Variants in SKIC3 observed in about 807,000 individuals in gnomAD.
The protein encoded by SKIC3 is SKI3 subunit of superkiller complex, also known as superkiller complex protein 3.
chr5:95,525,016 A>T, the SKIC3 span, among the ~76,000 whole-genome samples: 1 of 152,072 alleles, frequency 6.6e-6, no homozygotes, highest in African/African-American at 2.4e-5. Context: ...CCTGAGAAGC[A>T]GGGACTACAG....
the SKIC3 span, among the ~76,000 whole-genome samples, chr5:95,470,138 C>T: frequency 5.9e-5 from 9 of 152,060 alleles, no homozygotes; most frequent in East Asian, 3.9e-4. Context: ...CCACCACACC[C>T]GGCTAATTTT....
chr5:95,486,447 C>T, the SKIC3 span, among the ~76,000 whole-genome samples: 2 of 152,336 alleles, frequency 1.3e-5, no homozygotes, highest in Non-Finnish European at 2.9e-5. Context: ...ACACTGAAAG[C>T]AACCCCACCC....
the SKIC3 span, chr5:95,525,496 C>A: frequency 6.2e-7 from 1 of 1,613,886 alleles, no homozygotes; most frequent in Admixed American, 1.7e-5. Flanking sequence ...GAAGGTCTTC[C>A]ATAATCTATA....
the SKIC3 span, among the ~76,000 whole-genome samples, chr5:95,474,698 T>C: frequency 3.3e-5 from 5 of 152,248 alleles, no homozygotes; most frequent in Admixed American, 6.5e-5. Flanking sequence ...TTTTGTGGAC[T>C]AATATACATT....
At chr5:95,520,980 A>C in the SKIC3 span, among the ~76,000 whole-genome samples, 2 of 152,074 alleles carry the variant, frequency 1.3e-5, no homozygotes, top group African/African-American at 4.8e-5. Flanking sequence ...ACATTCACTC[A>C]ATAAGAAATT....
chr5:95,479,936 A>G, the SKIC3 span, among the ~76,000 whole-genome samples: 23,594 of 152,064 alleles, frequency 0.16, 2,549 homozygotes, highest in African/African-American at 0.3. Context: ...CCAATGGAAA[A>G]TAAGGAGGCC....
At chr5:95,506,988 G>T in the SKIC3 span, 1 of 1,612,472 alleles carries the variant, frequency 6.2e-7, no homozygotes, top group Non-Finnish European at 8.5e-7. Context: ...TTGGTCTTCT[G>T]CAGTCTGTAA....
At chr5:95,470,893 T>G in the SKIC3 span, among the ~76,000 whole-genome samples, 1 of 151,998 alleles carries the variant, frequency 6.6e-6, no homozygotes, top group Admixed American at 6.5e-5. Flanking sequence ...GAGAAAAAAA[T>G]GCATTAAAAA....
At chr5:95,531,349 T>C in the SKIC3 span, among the ~76,000 whole-genome samples, 1 of 152,146 alleles carries the variant, frequency 6.6e-6, no homozygotes, top group African/African-American at 2.4e-5. Flanking sequence ...TGGCAAAATA[T>C]GAAAACAAAT....
chr5:95,507,917 TAAC>T, the SKIC3 span, among the ~76,000 whole-genome samples: 1 of 141,142 alleles, frequency 7.1e-6, no homozygotes, highest in African/African-American at 2.8e-5. Context: ...TCTGCAATAA[TAAC>T]GATACATACC....
the SKIC3 span, among the ~76,000 whole-genome samples, chr5:95,554,686 G>A: frequency 6.6e-6 from 1 of 152,154 alleles, no homozygotes; most frequent in Non-Finnish European, 1.5e-5. Flanking sequence ...AGGTATTCGG[G>A]GGGGTCTAAG....
chr5:95,500,385 C>T, the SKIC3 span, among the ~76,000 whole-genome samples: 1 of 152,144 alleles, frequency 6.6e-6, no homozygotes, highest in Non-Finnish European at 1.5e-5. Context: ...TTCTAAGATG[C>T]AAATAAACCA....
chr5:95,548,237 A>C, the SKIC3 span, among the ~76,000 whole-genome samples: 1 of 152,042 alleles, frequency 6.6e-6, no homozygotes, highest in African/African-American at 2.4e-5. Flanking sequence ...TATAGGCTTC[A>C]GATGCTCAAG....
chr5:95,502,990 G>A, the SKIC3 span: 10 of 1,614,014 alleles, frequency 6.2e-6, no homozygotes, highest in East Asian at 2.2e-5. Context: ...CAATAGACAA[G>A]GCTCTCTCAT....
At chr5:95,530,118 T>C in the SKIC3 span, 7 of 1,613,594 alleles carry the variant, frequency 4.3e-6, no homozygotes, top group Non-Finnish European at 5.9e-6. Context: ...AGCATCTTCA[T>C]ACTTTTTGTC....
At chr5:95,552,706 G>A in the SKIC3 span, among the ~76,000 whole-genome samples, 1 of 152,020 alleles carries the variant, frequency 6.6e-6, no homozygotes, top group Non-Finnish European at 1.5e-5. Context: ...AGGGAAGTAG[G>A]CAGTGAGGCA....
the SKIC3 span, among the ~76,000 whole-genome samples, chr5:95,506,143 T>C: frequency 2.8e-4 from 42 of 152,366 alleles, no homozygotes; most frequent in African/African-American, 9.6e-4. Flanking sequence ...TTTCAACTTT[T>C]AAATTTAACA....
the SKIC3 span, among the ~76,000 whole-genome samples, chr5:95,490,346 A>G: frequency 1.3e-5 from 2 of 151,018 alleles, no homozygotes; most frequent in African/African-American, 4.8e-5. Flanking sequence ...AAGAGAAAAT[A>G]CATATGCTTA....
the SKIC3 span, chr5:95,517,201 G>A: frequency 6.2e-7 from 1 of 1,613,192 alleles, no homozygotes; most frequent in Non-Finnish European, 8.5e-7. Context: ...CCTTCTTTCT[G>A]ACCTAGAAGG....
Sources: allele counts gnomAD v4.1 joint callset (sites outside exome capture counted in the v4.1 genomes callset), GRCh38; gene constraint gnomAD v4.1.1; transcripts MANE v1.5; gene names NCBI Gene and HGNC (gene_info 2026-07-23, HGNC 2026-07-21).